FBXL5: variants seen among roughly 807,000 people sequenced by gnomAD.
FBXL5 encodes F-box and leucine rich repeat protein 5.
A neutral mutation model predicts 78.3 loss-of-function variants in FBXL5; 26 were observed. That is an observed-to-expected ratio of 0.33 (90% CI 0.24 to 0.46). The LOEUF (loss-of-function observed/expected upper bound fraction) is 0.46. Among genes scored for constraint, FBXL5 ranks in the 20% least tolerant of loss-of-function variants. FBXL5 has a pLI of 1.00. For synonymous variants in FBXL5, 295 were observed against 282.5 expected (o/e 1.04, Z -0.45); for missense variants, 710 against 829.2 (o/e 0.86, Z 1.77).
chr4:15,657,568 A>G (rs1310246840), upstream of FBXL5, among the ~76,000 whole-genome samples: 27 of 152,380 alleles, frequency 1.8e-4, no homozygotes. Context: ...TAATCAGCTG[A>G]AAAGTAGTAA....
intron 1 of FBXL5, among the ~76,000 whole-genome samples, chr4:15,666,307 G>A (rs569086987): frequency 1.3e-5 from 2 of 152,190 alleles, no homozygotes; most frequent in Admixed American, 1.3e-4. Flanking sequence ...GCTGAGGTGG[G>A]AAGATTGCTT....
intron 9 of FBXL5, among the ~76,000 whole-genome samples, chr4:15,615,431 A>C (rs1253620706): frequency 7.4e-6 from 1 of 135,310 alleles, no homozygotes; most frequent in Non-Finnish European, 1.6e-5. Flanking sequence ...GATTGTAAAC[A>C]CACCAATCAG....
intron 1 of FBXL5, among the ~76,000 whole-genome samples, chr4:15,650,143 C>T (rs758717852): frequency 1.5e-4 from 23 of 152,124 alleles, no homozygotes; most frequent in Non-Finnish European, 3.1e-4. Context: ...ACTACTGACA[C>T]CTAGTGGATA....
chr4:15,613,607 A>C (rs376818825), intron 9 of FBXL5, among the ~76,000 whole-genome samples: 6 of 151,960 alleles, frequency 3.9e-5, no homozygotes, highest in African/African-American at 1.4e-4. Context: ...ACTTCTTGGA[A>C]GCTTTGTTCA....
At chr4:15,676,223 T>C (rs1391313929) in intron 1 of FBXL5, among the ~76,000 whole-genome samples, 2 of 152,206 alleles carry the variant, frequency 1.3e-5, no homozygotes, top group African/African-American at 4.8e-5. Context: ...TTTCACCTCC[T>C]GATATGATGC....
intron 9 of FBXL5, among the ~76,000 whole-genome samples, chr4:15,616,575 C>T (rs977139489): frequency 4.6e-5 from 7 of 152,220 alleles, no homozygotes; most frequent in African/African-American, 1.7e-4. Flanking sequence ...GTCCAGGAAA[C>T]ATCCCATTCA....
At chr4:15,613,004 TAAATA>T (rs931579777) in intron 9 of FBXL5, among the ~76,000 whole-genome samples, 5 of 152,198 alleles carry the variant, frequency 3.3e-5, no homozygotes, top group African/African-American at 4.8e-5. Flanking sequence ...TCCATACAAT[TAAATA>T]TTCTGCAGCC....
chr4:15,628,075 TAATA>T, intron 6 of FBXL5, 42 bp from the exon 7 acceptor site: 2 of 1,587,198 alleles, frequency 1.3e-6, no homozygotes, highest in Non-Finnish European at 1.7e-6. Context: ...GATAAACTGA[TAATA>T]ATTAAGCTAC....
upstream of FBXL5, chr4:15,655,393 C>T (rs1444262018): frequency 9.6e-7 from 1 of 1,038,092 alleles, no homozygotes; most frequent in African/African-American, 1.7e-5. Context: ...GCGCCCGCCC[C>T]GTCGGCGCGC....
rs1438472539 is a variant in FBXL5, at chr4:15,636,632, G to A, written c.628C>T (p.Pro210Ser). 3 of 1,613,762 alleles carry A rather than the reference G, an allele frequency of 1.9e-6. No individual in the cohort carries two copies. The highest frequency in any genetic ancestry group is 2.5e-6 in the Non-Finnish European group (3 of 1,179,914). The change falls in exon 5 of 11, where the codon CCT (proline) becomes TCT (serine). Residue 210 changes from proline (P) to serine (S), a missense_variant. Physicochemically the swap from Pro to Ser is moderately conservative, Grantham distance 74. This residue lies in a region of FBXL5 where 517 missense variants were observed against 542.9 expected (regional missense o/e 0.95). Transcript: ENST00000341285. The stretch of plus-strand genomic sequence containing the variant: ...CTGAAAATTGACAGCATTACCTCAG[G>A]AGGAAGATGGGTTATACCTGTGGAG... ...EHSTGITHLP[P>S]EVMLSIFSYL...
At position 15,625,460 on chromosome 4, in the gene FBXL5, G is replaced by T; in HGVS notation, c.1642C>A (p.His548Asn). 1 of 1,613,932 alleles carries T rather than the reference G, an allele frequency of 6.2e-7. No homozygotes were observed. Among genetic ancestry groups the T allele is most frequent in the South Asian group, 1.1e-5 (1 of 91,026 alleles). ...CASPAFAYCGHSFCCTGTALR... is the reference protein window; with the variant it reads ...CASPAFAYCGNSFCCTGTALR... The stretch of plus-strand genomic sequence containing the variant: ...GCTGTTCCTGTACAACAAAATGAGT[G>T]ACCACAATACGCAAAGGCTGGAGAA... Residue 548 changes from histidine to asparagine, a missense_variant, in exon 9 of 11, where the codon CAC (histidine) becomes AAC (asparagine). Physicochemically the swap from His to Asn is moderately conservative, Grantham distance 68. Coordinates refer to ENST00000341285, the MANE Select transcript of FBXL5 (RefSeq NM_012161.4).
At chr4:15,624,472 G>A (rs1437619953) in intron 9 of FBXL5, among the ~76,000 whole-genome samples, 1 of 151,938 alleles carries the variant, frequency 6.6e-6, no homozygotes, top group African/African-American at 2.4e-5. Flanking sequence ...TTCTCCAACA[G>A]TGCATACTCG....
intron 6 of FBXL5, among the ~76,000 whole-genome samples, chr4:15,629,580 C>A (rs537259608): frequency 2.3e-3 from 354 of 152,172 alleles, no homozygotes; most frequent in Non-Finnish European, 4.1e-3. Flanking sequence ...CAACAAGCGC[C>A]AGTTTTGTTT....
intron 6 of FBXL5, among the ~76,000 whole-genome samples, chr4:15,629,367 T>C (rs150139314): frequency 6.6e-6 from 1 of 152,310 alleles, no homozygotes; most frequent in Non-Finnish European, 1.5e-5. Flanking sequence ...AGTTGACATC[T>C]GAGCAAATAT....
At chr4:15,676,344 T>C (rs1290784630) in intron 1 of FBXL5, among the ~76,000 whole-genome samples, 1 of 152,110 alleles carries the variant, frequency 6.6e-6, no homozygotes, top group Non-Finnish European at 1.5e-5. Context: ...CATGATAGAA[T>C]AGGTTGAAAG....
chr4:15,672,080 T>A (rs1378666782), intron 1 of FBXL5, among the ~76,000 whole-genome samples: 1 of 152,240 alleles, frequency 6.6e-6, no homozygotes, highest in Non-Finnish European at 1.5e-5. Context: ...CCTATAAATC[T>A]TCTTGAGCTT....
intron 2 of FBXL5, among the ~76,000 whole-genome samples, chr4:15,642,707 T>C (rs1453686763): frequency 6.6e-6 from 1 of 152,180 alleles, no homozygotes; most frequent in Non-Finnish European, 1.5e-5. Context: ...TTCCTACTTA[T>C]ATGCTAATAA....
intron 5 of FBXL5, among the ~76,000 whole-genome samples, chr4:15,631,533 AAC>A (rs1713666958): frequency 6.6e-6 from 1 of 152,342 alleles, no homozygotes; most frequent in African/African-American, 2.4e-5. Context: ...CACTCCCACC[AAC>A]AGTGTAAAAG....
intron 8 of FBXL5, among the ~76,000 whole-genome samples, chr4:15,626,502 A>G (rs73241105): frequency 6.6e-6 from 1 of 152,356 alleles, no homozygotes; most frequent in Non-Finnish European, 1.5e-5. Flanking sequence ...GGCTTGAAGA[A>G]AGTTACACTA....
Sources: allele counts gnomAD v4.1 joint callset (sites outside exome capture counted in the v4.1 genomes callset), GRCh38; gene constraint gnomAD v4.1.1; regional missense constraint gnomAD v4.1.1; transcripts MANE v1.5; gene names NCBI Gene and HGNC (gene_info 2026-07-23, HGNC 2026-07-21).